Variants in ZCCHC7 observed in about 807,000 individuals in gnomAD.
ZCCHC7 encodes zinc finger CCHC-type containing 7.
In ZCCHC7, 35 loss-of-function variants were observed where a neutral mutation model predicts 52.0. The ratio of observed to expected loss-of-function variants is 0.67; its 90% CI spans 0.51 to 0.89. ZCCHC7 has a LOEUF of 0.89. Among genes scored for constraint, ZCCHC7 ranks in the 40% least tolerant of loss-of-function variants. The pLI, the probability that ZCCHC7 is intolerant of heterozygous loss-of-function variation, is 0.00. For missense variants in ZCCHC7, 574 were observed against 649.1 expected (o/e 0.88, Z 1.26); for synonymous variants, 217 against 221.5 (o/e 0.98, Z 0.18).
chr9:37,183,896 T>C (rs1234410876), intron 2 of ZCCHC7, among the ~76,000 whole-genome samples: 2 of 152,232 alleles, frequency 1.3e-5, no homozygotes, highest in Non-Finnish European at 2.9e-5. Context: ...TATTCCGCCC[T>C]CTACCCTTGA....
intron 2 of ZCCHC7, among the ~76,000 whole-genome samples, chr9:37,141,589 GTTATT>G (rs1473926896): frequency 6.6e-6 from 1 of 151,832 alleles, no homozygotes; most frequent in Non-Finnish European, 1.5e-5. Context: ...GAATAAAAAT[GTTATT>G]TTATAGTGTA....
upstream of ZCCHC7, chr9:37,120,460 G>A: frequency 2.5e-6 from 1 of 397,966 alleles, no homozygotes; most frequent in Admixed American, 4.4e-5. Flanking sequence ...CGCGGCAGGT[G>A]GGCGGGGACG....
At chr9:37,325,604 G>T (rs538632373) in intron 5 of ZCCHC7, among the ~76,000 whole-genome samples, 2 of 152,102 alleles carry the variant, frequency 1.3e-5, no homozygotes, top group African/African-American at 2.4e-5. Context: ...TAAGCAAAAA[G>T]AAAAATTAGG....
intron 2 of ZCCHC7, among the ~76,000 whole-genome samples, chr9:37,190,766 C>A (rs564646573): frequency 1.1e-4 from 17 of 152,262 alleles, no homozygotes; most frequent in African/African-American, 4.1e-4. Context: ...GCCTGTAAAT[C>A]CCAGCACTTT....
intron 2 of ZCCHC7, among the ~76,000 whole-genome samples, chr9:37,225,494 A>G (rs1022144027): frequency 3.9e-5 from 6 of 152,174 alleles, no homozygotes; most frequent in Non-Finnish European, 4.4e-5. Flanking sequence ...ACTACCAGAA[A>G]GCTACAGATC....
intron 2 of ZCCHC7, among the ~76,000 whole-genome samples, chr9:37,265,577 G>C (rs1827067119): frequency 6.6e-6 from 1 of 152,134 alleles, no homozygotes; most frequent in East Asian, 1.9e-4. Flanking sequence ...TACTTAAGTA[G>C]TATTTGCATC....
chr9:37,262,530 G>C (rs1222039768), intron 2 of ZCCHC7, among the ~76,000 whole-genome samples: 2 of 152,090 alleles, frequency 1.3e-5, no homozygotes, highest in Admixed American at 1.3e-4. Context: ...TACAAGTATA[G>C]TGTCCCCTTG....
At chr9:37,343,664 T>G (rs986410659) in intron 6 of ZCCHC7, among the ~76,000 whole-genome samples, 1 of 152,238 alleles carries the variant, frequency 6.6e-6, no homozygotes, top group Non-Finnish European at 1.5e-5. Context: ...TTTCAGTGTT[T>G]GTATCTACTT....
intron 2 of ZCCHC7, among the ~76,000 whole-genome samples, chr9:37,165,335 A>G (rs1308035615): frequency 6.6e-6 from 1 of 150,756 alleles, no homozygotes; most frequent in Non-Finnish European, 1.5e-5. Context: ...TTTTCTTGCC[A>G]TATTGGATGG....
chr9:37,131,871 A>T (rs1210245297), intron 2 of ZCCHC7, among the ~76,000 whole-genome samples: 1 of 152,198 alleles, frequency 6.6e-6, no homozygotes, highest in African/African-American at 2.4e-5. Context: ...GCATATAGAT[A>T]TATGATGGTG....
chr9:37,317,730 A>C (rs1413196628), intron 5 of ZCCHC7, among the ~76,000 whole-genome samples: 1 of 152,184 alleles, frequency 6.6e-6, no homozygotes, highest in African/African-American at 2.4e-5. Flanking sequence ...TATAAAAAAC[A>C]AAAAGCATAA....
At chr9:37,142,952 T>A (rs1422683846) in intron 2 of ZCCHC7, among the ~76,000 whole-genome samples, 1 of 151,844 alleles carries the variant, frequency 6.6e-6, no homozygotes, top group Non-Finnish European at 1.5e-5. Context: ...GTGGAAAATG[T>A]TATTAATTCT....
At chr9:37,262,596 C>T (rs1826920468) in intron 2 of ZCCHC7, among the ~76,000 whole-genome samples, 1 of 152,168 alleles carries the variant, frequency 6.6e-6, no homozygotes, top group Non-Finnish European at 1.5e-5. Flanking sequence ...CAGTGGTGAG[C>T]TGCCCTCTCC....
chr9:37,339,842 GTAT>G (rs1218127264), intron 6 of ZCCHC7, among the ~76,000 whole-genome samples: 1 of 152,130 alleles, frequency 6.6e-6, no homozygotes. Context: ...ATTACATATC[GTAT>G]ATAGTAATGA....
At chr9:37,201,974 G>C (rs1224668895) in intron 2 of ZCCHC7, among the ~76,000 whole-genome samples, 3 of 152,120 alleles carry the variant, frequency 2.0e-5, no homozygotes, top group African/African-American at 4.8e-5. Context: ...TAATGTCTAT[G>C]GAAAATAGAG....
intron 2 of ZCCHC7, among the ~76,000 whole-genome samples, chr9:37,214,060 TC>T (rs1824379320): frequency 1.3e-5 from 2 of 151,886 alleles, no homozygotes; most frequent in African/African-American, 4.8e-5. Context: ...AAAATTAATT[TC>T]TATTTTAGAT....
chr9:37,298,623 G>T (rs886583512), intron 2 of ZCCHC7, among the ~76,000 whole-genome samples: 4 of 152,144 alleles, frequency 2.6e-5, no homozygotes, highest in Non-Finnish European at 5.9e-5. Context: ...TGCCTCAGGT[G>T]GGGGATTGAC....
intron 5 of ZCCHC7, among the ~76,000 whole-genome samples, chr9:37,309,177 A>G (rs536481135): frequency 6.6e-6 from 1 of 152,264 alleles, no homozygotes; most frequent in South Asian, 2.1e-4. Context: ...CACCTGGTGT[A>G]GGATTCCCTC....
intron 2 of ZCCHC7, among the ~76,000 whole-genome samples, chr9:37,294,419 T>A (rs1476109847): frequency 6.6e-6 from 1 of 152,310 alleles, no homozygotes; most frequent in African/African-American, 2.4e-5. Flanking sequence ...CTTTAATCCA[T>A]AAACACTGGT....
Sources: gnomAD v4.1 joint callset for allele counts (sites outside exome capture counted in the v4.1 genomes callset) on GRCh38, gnomAD v4.1.1 for gene constraint, MANE v1.5 for transcripts, NCBI Gene and HGNC (gene_info 2026-07-23, HGNC 2026-07-21) for gene names.